Variants in NUS1 observed in about 807,000 individuals in gnomAD.
NUS1 encodes dehydrodolichyl diphosphate synthase complex subunit NUS1.
For missense variants in NUS1, 292 were observed against 382.9 expected (o/e 0.76, Z 1.98); for synonymous variants, 135 against 155.2 (o/e 0.87, Z 0.97).
intron 3 of NUS1, among the ~76,000 whole-genome samples, chr6:117,699,845 C>G (rs1014581574): frequency 6.6e-6 from 1 of 151,808 alleles, no homozygotes; most frequent in Non-Finnish European, 1.5e-5. Flanking sequence ...AATCTAGAGA[C>G]AAATGCATAC....
chr6:117,703,502 C>G (rs1773457961), intron 3 of NUS1, 103 bp from the exon 4 acceptor site: 7 of 850,212 alleles, frequency 8.2e-6, no homozygotes, highest in Non-Finnish European at 1.4e-5. Context: ...GTTTAAAGAA[C>G]CAATTTGATT....
intron 1 of NUS1, among the ~76,000 whole-genome samples, chr6:117,684,091 G>GT (rs1353191387): frequency 1.3e-5 from 2 of 152,216 alleles, no homozygotes; most frequent in African/African-American, 4.8e-5. Context: ...GTTTGGAGCT[G>GT]TATGTATGCC....
intron 1 of NUS1, among the ~76,000 whole-genome samples, chr6:117,687,940 G>T (rs1444379438): frequency 6.6e-6 from 1 of 152,144 alleles, no homozygotes; most frequent in Non-Finnish European, 1.5e-5. Context: ...AGTAGGCTGG[G>T]CCGGTTGCTC....
intron 1 of NUS1, among the ~76,000 whole-genome samples, chr6:117,688,351 A>T (rs904780666): frequency 6.6e-6 from 1 of 152,122 alleles, no homozygotes; most frequent in African/African-American, 2.4e-5. Flanking sequence ...CATAATTAGT[A>T]GGGCTTTGGG....
At position 117,694,125 on chromosome 6, in the gene NUS1, C is replaced by T. The variant is rs1251384353; in HGVS notation, c.636C>T (p.Ala212=). The T allele has an allele frequency of 1.9e-6, 3 of 1,611,544 alleles. No individual in the cohort carries two copies. The highest frequency in any genetic ancestry group is 2.2e-5 in the South Asian group (2 of 90,844). The change falls in exon 3 of 5, where the codon GCC becomes GCT. Residue 212 remains alanine, a synonymous_variant. Transcript: ENST00000368494. Reference sequence around the variant, plus strand: ...CTCAGGACTTTTGCCAGTTAGTAGCCCAGAAGCAAAAGAGACCCACAGATT... The same window carrying T: ...CTCAGGACTTTTGCCAGTTAGTAGCTCAGAAGCAAAAGAGACCCACAGATT... ...RAAQDFCQLV[A]QKQKRPTDLD...
At chr6:117,692,455 TAAC>T (rs753447680) in intron 1 of NUS1, among the ~76,000 whole-genome samples, 17 of 152,124 alleles carry the variant, frequency 1.1e-4, no homozygotes, top group Non-Finnish European at 2.5e-4. Flanking sequence ...TTAACAGTGT[TAAC>T]TTTTCCCTGC....
intron 4 of NUS1, among the ~76,000 whole-genome samples, chr6:117,704,400 C>A (rs1395486725): frequency 2.0e-5 from 3 of 152,044 alleles, no homozygotes; most frequent in Non-Finnish European, 4.4e-5. Flanking sequence ...TGTAAAGGGC[C>A]AGATAGTAAA....
chr6:117,692,469 A>G (rs1773236944), intron 1 of NUS1, among the ~76,000 whole-genome samples: 1 of 152,066 alleles, frequency 6.6e-6, no homozygotes, highest in Admixed American at 6.5e-5. Flanking sequence ...TTTTCCCTGC[A>G]TAGAGGACCA....
At chr6:117,684,177 T>G (rs1773103226) in intron 1 of NUS1, among the ~76,000 whole-genome samples, 2 of 152,218 alleles carry the variant, frequency 1.3e-5, no homozygotes, top group Admixed American at 1.3e-4. Flanking sequence ...TAAGCAAATG[T>G]GGCTGTTTTC....
chr6:117,696,888 G>A (rs983846096), intron 3 of NUS1, among the ~76,000 whole-genome samples: 9 of 151,992 alleles, frequency 5.9e-5, no homozygotes, highest in Admixed American at 1.3e-4. Context: ...TAACTGTGGT[G>A]TATAAAACTG....
At chr6:117,705,124 C>T (rs754721262) in intron 4 of NUS1, among the ~76,000 whole-genome samples, 2 of 152,142 alleles carry the variant, frequency 1.3e-5, no homozygotes, top group Non-Finnish European at 2.9e-5. Context: ...TCTGGTCCCA[C>T]CTTCTCATTT....
At chr6:117,688,824 A>G (rs1379195817) in intron 1 of NUS1, among the ~76,000 whole-genome samples, 3 of 152,170 alleles carry the variant, frequency 2.0e-5, no homozygotes, top group Non-Finnish European at 4.4e-5. Flanking sequence ...TGGCATTTTA[A>G]TTTTTAAAGA....
intron 1 of NUS1, among the ~76,000 whole-genome samples, chr6:117,691,916 T>A (rs553292961): frequency 2.5e-4 from 38 of 151,990 alleles, no homozygotes; most frequent in African/African-American, 7.0e-4. Context: ...TCATCAGATT[T>A]AGACTTTCCC....
intron 1 of NUS1, among the ~76,000 whole-genome samples, chr6:117,677,086 C>G (rs1772995306): frequency 6.6e-6 from 1 of 152,194 alleles, no homozygotes; most frequent in Non-Finnish European, 1.5e-5. Flanking sequence ...GAATGAATTT[C>G]ACCATAGGGA....
chr6:117,675,592 G>A lies in NUS1; in HGVS notation c.-79G>A. ...GGGACGCGGAGCGATGGCCCGCGCC[G>A]GCCGCAGGGGCGGATAAAAAGCCGT... On this transcript the variant is annotated 5_prime_UTR_variant, in exon 1 of 5. Coordinates refer to ENST00000368494, the MANE Select transcript of NUS1 (RefSeq NM_138459.5). 4.2e-6 allele frequency: 6 copies of A among 1,422,338 alleles called. No homozygotes were observed. Among genetic ancestry groups the A allele is most frequent in the Non-Finnish European group, 3.8e-6 (4 of 1,051,672 alleles). The allele number at this position is 1,422,338 out of a possible 1,614,324, so 88.1% of individuals were successfully genotyped here. A position where few individuals can be genotyped will look rare whatever the true frequency, so the allele number is the denominator to read the frequency against.
intron 3 of NUS1, among the ~76,000 whole-genome samples, chr6:117,703,381 CTT>C (rs1264265712): frequency 6.6e-6 from 1 of 152,078 alleles, no homozygotes; most frequent in Non-Finnish European, 1.5e-5. Context: ...GTTAAACAGA[CTT>C]TTGAGAAAAC....
At chr6:117,695,064 C>A (rs1450740056) in intron 3 of NUS1, among the ~76,000 whole-genome samples, 2 of 151,700 alleles carry the variant, frequency 1.3e-5, no homozygotes, top group African/African-American at 4.8e-5. Flanking sequence ...CATGGTGGCT[C>A]ACGCCTGTGG....
chr6:117,688,801 A>G (rs1773176740), intron 1 of NUS1, among the ~76,000 whole-genome samples: 1 of 152,204 alleles, frequency 6.6e-6, no homozygotes, highest in Non-Finnish European at 1.5e-5. Context: ...TGTTTTGTTC[A>G]TCATGGATAG....
At chr6:117,683,767 G>A (rs1485937401) in intron 1 of NUS1, among the ~76,000 whole-genome samples, 1 of 152,124 alleles carries the variant, frequency 6.6e-6, no homozygotes, top group African/African-American at 2.4e-5. Flanking sequence ...GATAGTAAAT[G>A]TATTTTAAAA....
Sources: gnomAD v4.1 joint callset for allele counts (sites outside exome capture counted in the v4.1 genomes callset) on GRCh38, gnomAD v4.1.1 for gene constraint, MANE v1.5 for transcripts, NCBI Gene and HGNC (gene_info 2026-07-23, HGNC 2026-07-21) for gene names.